NFIA: variants seen among roughly 807,000 people sequenced by gnomAD.
NFIA encodes the protein nuclear factor 1 A-type.
Under a neutral mutation model 62.8 loss-of-function variants are expected in NFIA, and 8 were observed. The observed-to-expected ratio is 0.13, with a 90% confidence interval of 0.07 to 0.23. The LOEUF is 0.23. Among genes scored for constraint, NFIA ranks in the 10% least tolerant of loss-of-function variants. NFIA has a pLI of 1.00. For missense variants in NFIA, 410 were observed against 642.1 expected (o/e 0.64, Z 3.91); for synonymous variants, 235 against 238.1 (o/e 0.99, Z 0.12).
intron 2 of NFIA, among the ~76,000 whole-genome samples, chr1:61,260,970 T>C (rs1656739161): frequency 6.6e-6 from 1 of 152,182 alleles, no homozygotes; most frequent in South Asian, 2.1e-4. Context: ...TCTAAAGTTA[T>C]TTAGTGTTTG....
At chr1:61,324,889 C>T (rs1342052195) in intron 3 of NFIA, among the ~76,000 whole-genome samples, 2 of 152,160 alleles carry the variant, frequency 1.3e-5, no homozygotes, top group Admixed American at 6.5e-5. Flanking sequence ...CTCCCCACTG[C>T]GAGTATGACT....
chr1:61,209,286 C>T (rs908552230), intron 2 of NFIA, among the ~76,000 whole-genome samples: 1 of 151,996 alleles, frequency 6.6e-6, no homozygotes, highest in African/African-American at 2.4e-5. Flanking sequence ...AAAAAGCCGT[C>T]GTGTGTATAC....
At position 61,082,736 on chromosome 1, in the gene NFIA, G is replaced by A; in HGVS notation, c.-56G>A. 1.3e-6 allele frequency: 2 copies of A among 1,543,278 alleles called. No homozygotes were observed. The highest frequency in any genetic ancestry group is 1.2e-5 in the South Asian group (1 of 83,672). On this transcript the variant is annotated 5_prime_UTR_variant, in exon 1 of 11. Transcript: ENST00000403491. ...TTTCTCCTCTCTCACCCACACTCACGCACACCTCCAAACCGCACACCCAGA... is the reference window on the plus strand; with the variant it reads ...TTTCTCCTCTCTCACCCACACTCACACACACCTCCAAACCGCACACCCAGA...
chr1:61,188,389 CAAAG>C (rs1369701649), intron 2 of NFIA, among the ~76,000 whole-genome samples: 1 of 152,038 alleles, frequency 6.6e-6, no homozygotes, highest in Non-Finnish European at 1.5e-5. Context: ...TCATGGGCTG[CAAAG>C]AAAGAGGTAT....
rs566756049 is a variant in NFIA at position 61,406,690 on chromosome 1, G to A, written c.1383G>A (p.Thr461=). ...LPVPDTKPPT[T]STEGGAASPT... Reference sequence around the variant, plus strand: ...TGCCAGACACAAAGCCTCCAACCACGTCAACAGAAGGAGGTGCAGCCTCCC... The same window carrying A: ...TGCCAGACACAAAGCCTCCAACCACATCAACAGAAGGAGGTGCAGCCTCCC... The change falls in exon 9 of 11, where the codon ACG becomes ACA. Residue 461 remains threonine, a synonymous_variant. Coordinates refer to ENST00000403491, the MANE Select transcript of NFIA (RefSeq NM_001134673.4). 1.1e-4 allele frequency: 180 copies of A among 1,612,730 alleles called. No individual in the cohort carries two copies. Among genetic ancestry groups the A allele is most frequent in the African/African-American group, 1.9e-4 (14 of 75,006 alleles).
intron 2 of NFIA, among the ~76,000 whole-genome samples, chr1:61,218,658 A>T (rs1056749096): frequency 4.6e-5 from 7 of 152,230 alleles, no homozygotes; most frequent in Non-Finnish European, 7.3e-5. Flanking sequence ...GAAATCCTTT[A>T]AAAAATAATG....
At chr1:61,242,161 G>C (rs1431974787) in intron 2 of NFIA, among the ~76,000 whole-genome samples, 1 of 152,190 alleles carries the variant, frequency 6.6e-6, no homozygotes, top group Non-Finnish European at 1.5e-5. Context: ...ACTGCTGTTA[G>C]TGCTGATTAG....
At chr1:61,180,695 A>C (rs1650703060) in intron 2 of NFIA, among the ~76,000 whole-genome samples, 1 of 152,180 alleles carries the variant, frequency 6.6e-6, no homozygotes, top group Non-Finnish European at 1.5e-5. Flanking sequence ...AGATGGTCTG[A>C]TGGGGTCATG....
intron 2 of NFIA, among the ~76,000 whole-genome samples, chr1:61,256,913 T>G (rs1656434629): frequency 6.6e-6 from 1 of 152,136 alleles, no homozygotes; most frequent in African/African-American, 2.4e-5. Context: ...CTTCAAGGCT[T>G]GAGAGAAAGA....
intron 10 of NFIA, among the ~76,000 whole-genome samples, chr1:61,449,689 CA>C (rs1667976740): frequency 1.3e-5 from 2 of 152,212 alleles, no homozygotes; most frequent in Admixed American, 1.3e-4. Context: ...GTGCCGGGGC[CA>C]ATCCCGGCCC....
intron 9 of NFIA, among the ~76,000 whole-genome samples, chr1:61,416,580 T>C (rs1248600927): frequency 6.6e-6 from 1 of 152,206 alleles, no homozygotes; most frequent in African/African-American, 2.4e-5. Context: ...TACTATCTTA[T>C]AACATAATTG....
chr1:61,414,043 C>T (rs965413245), intron 9 of NFIA, among the ~76,000 whole-genome samples: 6 of 151,920 alleles, frequency 3.9e-5, no homozygotes, highest in East Asian at 1.9e-4. Context: ...AGTGCAGTGG[C>T]GCAATCTCAG....
At chr1:61,331,553 A>T (rs1661299838) in intron 3 of NFIA, among the ~76,000 whole-genome samples, 1 of 152,176 alleles carries the variant, frequency 6.6e-6, no homozygotes, top group South Asian at 2.1e-4. Context: ...GTCAAAGAAC[A>T]ATTATTTCAA....
At chr1:61,380,609 T>A (rs780659545) in intron 6 of NFIA, among the ~76,000 whole-genome samples, 1 of 152,130 alleles carries the variant, frequency 6.6e-6, no homozygotes, top group Non-Finnish European at 1.5e-5. Context: ...CAAAACAAAT[T>A]AACCAAAACA....
chr1:61,239,405 A>T (rs1655201544), intron 2 of NFIA, among the ~76,000 whole-genome samples: 1 of 152,182 alleles, frequency 6.6e-6, no homozygotes, highest in Admixed American at 6.5e-5. Flanking sequence ...CTTTTCTATG[A>T]AATCTCGTTA....
chr1:61,306,868 A>G (rs1409062047), intron 3 of NFIA, among the ~76,000 whole-genome samples: 1 of 152,206 alleles, frequency 6.6e-6, no homozygotes, highest in African/African-American at 2.4e-5. Context: ...GAAAACTCTT[A>G]TGCTGTAAGA....
At chr1:61,364,712 G>A (rs191265150) in intron 6 of NFIA, among the ~76,000 whole-genome samples, 137 of 152,174 alleles carry the variant, frequency 9.0e-4, no homozygotes, top group African/African-American at 3.2e-3. Flanking sequence ...TATTAGCTCC[G>A]TATTAAGAAT....
At chr1:61,319,537 T>C (rs1660554075) in intron 3 of NFIA, among the ~76,000 whole-genome samples, 1 of 152,090 alleles carries the variant, frequency 6.6e-6, no homozygotes, top group African/African-American at 2.4e-5. Context: ...TGTGTGTGTC[T>C]GTCTGTTTGC....
At chr1:61,238,940 T>A (rs941352458) in intron 2 of NFIA, among the ~76,000 whole-genome samples, 1 of 152,180 alleles carries the variant, frequency 6.6e-6, no homozygotes, top group African/African-American at 2.4e-5. Context: ...TACCATTTAG[T>A]TGTTGGGGGA....
Sources: allele counts gnomAD v4.1 joint callset (sites outside exome capture counted in the v4.1 genomes callset), GRCh38; gene constraint gnomAD v4.1.1; transcripts MANE v1.5; gene names NCBI Gene and HGNC (gene_info 2026-07-23, HGNC 2026-07-21).